The following CROCC variants were observed in gnomAD, a reference collection of about 807,000 sequenced individuals.
CROCC encodes the protein rootletin.
A neutral mutation model predicts 245.2 loss-of-function variants in CROCC; 180 were observed. That is an observed-to-expected ratio of 0.73 (90% CI 0.65 to 0.83). The LOEUF (loss-of-function observed/expected upper bound fraction) is 0.83. Ranked by LOEUF, CROCC falls within the 40% of genes least tolerant of loss-of-function variation. The pLI is 0.00. For synonymous variants in CROCC, 1,205 were observed against 1,241.6 expected (o/e 0.97, Z 0.62); for missense variants, 2,688 against 2,779.4 (o/e 0.97, Z 0.74).
chr1:16,972,446 A>G lies in CROCC; in HGVS notation c.6054A>G (p.Ter2018TrpextTer39). 6.2e-7 allele frequency: 1 copy of G among 1,609,978 alleles called. No homozygotes were observed. The highest frequency in any genetic ancestry group is 8.5e-7 in the Non-Finnish European group (1 of 1,177,560). The change falls in exon 37 of 37, where the codon TGA becomes TGG. Residue 2018 changes from the stop codon to tryptophan, a stop_lost. Coordinates refer to ENST00000375541, the MANE Select transcript of CROCC (RefSeq NM_014675.5). Reference sequence around the variant, plus strand: ...CACCCTCCGGCCCCCCAGAGAAATGAGCTCCTGCTGGCATCTGGAGAACAC... The same window carrying G: ...CACCCTCCGGCCCCCCAGAGAAATGGGCTCCTGCTGGCATCTGGAGAACAC... ...FSPPSGPPEK[*>W]
chr1:16,969,840 C>T lies in CROCC; in HGVS notation c.5357C>T (p.Ser1786Phe). Residue 1786 changes from serine (S) to phenylalanine (F), a missense_variant, in exon 33 of 37, where the codon TCC becomes TTC. This residue lies in a region of CROCC where 1,218 missense variants were observed against 1,286.3 expected (regional missense o/e 0.95). Transcript: ENST00000375541. The stretch of plus-strand genomic sequence containing the variant: ...TCTGAGGCACGGAAGCAGAGCAGCT[C>T]CCTGGGCGAGCAGGTGCAGACGTTG... ...ALSEARKQSSSLGEQVQTLRG... is the reference protein window; with the variant it reads ...ALSEARKQSSFLGEQVQTLRG... 6.2e-7 allele frequency: 1 copy of T among 1,613,354 alleles called. No individual in the cohort carries two copies. Among genetic ancestry groups the T allele is most frequent in the Non-Finnish European group, 8.5e-7 (1 of 1,179,732 alleles).
chr1:16,918,300 C>CTTTTTTTTTTTTTTTTTTTTTTTT (rs201445636), upstream of CROCC, among the ~76,000 whole-genome samples: 2 of 123,872 alleles, frequency 1.6e-5, no homozygotes, highest in African/African-American at 2.9e-5. Flanking sequence ...GGAATTCAGT[C>CTTTTTTTTTTTTTTTTTTTTTTTT]TTTTTTTTTT....
At chr1:16,964,833 C>T (rs1249345854) in intron 27 of CROCC, among the ~76,000 whole-genome samples, 1 of 152,248 alleles carries the variant, frequency 6.6e-6, no homozygotes, top group Non-Finnish European at 1.5e-5. Context: ...CAGGTGCATG[C>T]CACCACGCCC....
chr1:16,928,409 T>G (rs1274727544), intron 3 of CROCC, among the ~76,000 whole-genome samples: 1 of 151,870 alleles, frequency 6.6e-6, no homozygotes, highest in Non-Finnish European at 1.5e-5. Flanking sequence ...CCCACAGGGG[T>G]CTGAGGATGT....
intron 3 of CROCC, among the ~76,000 whole-genome samples, chr1:16,927,412 C>T (rs539303190): frequency 7.5e-4 from 114 of 152,342 alleles, no homozygotes; most frequent in African/African-American, 2.7e-3. Flanking sequence ...GTGTGTATCA[C>T]ACATACCAGG....
intron 1 of CROCC, among the ~76,000 whole-genome samples, chr1:16,916,829 A>T (rs572816347): frequency 6.6e-6 from 1 of 152,382 alleles, no homozygotes; most frequent in East Asian, 1.9e-4. Context: ...TATTATTTAA[A>T]ACTCTGGGCT....
In CROCC at chr1:16,966,461, C is replaced by A; in HGVS notation, c.4750C>A (p.Gln1584Lys). 6.5e-7 allele frequency: 1 copy of A among 1,536,562 alleles called. No individual in the cohort carries two copies. The highest frequency in any genetic ancestry group is 1.2e-5 in the South Asian group (1 of 83,794). Residue 1584 changes from glutamine to lysine, a missense_variant, in exon 30 of 37, where the codon CAG becomes AAG. By Grantham distance (53) the Gln-to-Lys change is moderately conservative. Coordinates refer to ENST00000375541, the MANE Select transcript of CROCC (RefSeq NM_014675.5). The surrounding 1 kb of genome is among the most constrained non-coding windows in gnomAD (Gnocchi z 4.8). ...LSGVQAELAL[Q>K]EESVRRSERE... ...CGGGGTCCAGGCGGAGCTGGCGCTG[C>A]AGGAGGAGAGTGTGCGGCGCAGTGA... is the stretch of plus-strand genomic sequence containing the variant.
intron 14 of CROCC, among the ~76,000 whole-genome samples, chr1:16,945,042 G>A (rs1470461694): frequency 2.6e-5 from 4 of 152,276 alleles, no homozygotes; most frequent in Non-Finnish European, 5.9e-5. Context: ...AGACCAGCCT[G>A]ACCAACGTGG....
At chr1:16,970,602 T>G (rs776457475) in intron 34 of CROCC, 34 bp from the exon 35 acceptor site, 12 of 1,508,118 alleles carry the variant, frequency 8.0e-6, no homozygotes, top group Non-Finnish European at 1.1e-5. Flanking sequence ...AAGCTCCTCC[T>G]GGCACCCTGA....
At position 16,961,085 on chromosome 1, in the gene CROCC, C is replaced by A. The variant is rs2076324604; in HGVS notation, c.4360C>A (p.Pro1454Thr). 2.2e-6 allele frequency: 3 copies of A among 1,364,792 alleles called. No individual in the cohort carries two copies. The highest frequency in any genetic ancestry group is 6.2e-5 in the East Asian group (2 of 32,320). The allele number at this position is 1,364,792 out of a possible 1,614,324, so 84.5% of individuals were successfully genotyped here. The part of the protein sequence containing the change: ...LGLGRAPSPA[P>T]RPVPGSPARD... ...CCTCGGTCGCGCGCCCAGCCCAGCCCCGCGGCCAGTGCCCGGTTCCCCTGC... is the reference window on the plus strand; with the variant it reads ...CCTCGGTCGCGCGCCCAGCCCAGCCACGCGGCCAGTGCCCGGTTCCCCTGC... The change falls in exon 27 of 37, where the codon CCG (proline) becomes ACG (threonine). Residue 1454 changes from proline (P) to threonine (T), a missense_variant. This residue lies in a region of CROCC where 1,218 missense variants were observed against 1,286.3 expected (regional missense o/e 0.95). Transcript: ENST00000375541.
intron 12 of CROCC, among the ~76,000 whole-genome samples, chr1:16,939,486 G>T: frequency 6.6e-6 from 1 of 152,320 alleles, no homozygotes; most frequent in South Asian, 2.1e-4. Context: ...CAGGACCCTG[G>T]GAAAAGGTCT....
intron 35 of CROCC, among the ~76,000 whole-genome samples, chr1:16,971,151 T>C (rs1259182151): frequency 6.6e-6 from 1 of 152,130 alleles, no homozygotes; most frequent in Non-Finnish European, 1.5e-5. Flanking sequence ...CACATGCACC[T>C]GTGTGAGTCC....
rs2076064369 is a variant in CROCC, at chr1:16,947,004, G to C, written c.2514+13G>C. On this transcript the variant is annotated intron_variant, in intron 17 of 36. Coordinates refer to ENST00000375541, the MANE Select transcript of CROCC (RefSeq NM_014675.5). Reference sequence around the variant, plus strand: ...GCAGCTAGCGCAGGTGGGCAAAGCTGTGTGTGGGGGTGGTGTGGAGAGCAT... The same window carrying C: ...GCAGCTAGCGCAGGTGGGCAAAGCTCTGTGTGGGGGTGGTGTGGAGAGCAT... 2 of 1,542,700 alleles carry C rather than the reference G, an allele frequency of 1.3e-6. No individual in the cohort carries two copies. Among genetic ancestry groups the C allele is most frequent in the East Asian group, 2.4e-5 (1 of 40,940 alleles).
At chr1:16,936,535 C>G in intron 8 of CROCC, 102 bp from the exon 9 acceptor site, 1 of 1,234,424 alleles carries the variant, frequency 8.1e-7, no homozygotes, top group South Asian at 1.6e-5. Context: ...TCCTGAAGTG[C>G]TGGGATTATA....
Position 16,969,154 on chromosome 1 carries a change from G to A in CROCC, c.5115G>A (p.Leu1705=). 1.2e-6 allele frequency: 2 copies of A among 1,609,534 alleles called. No individual in the cohort carries two copies. Among genetic ancestry groups the A allele is most frequent in the Non-Finnish European group, 1.7e-6 (2 of 1,178,288 alleles). Residue 1705 remains leucine, a synonymous_variant, in exon 32 of 37, where the codon CTG becomes CTA. Transcript: ENST00000375541. ...AGGTGAAGGCAGGGACCCTGCAGCT[G>A]ACCGTGGAGCGGCTGAATGGGGCCC... The part of the protein sequence containing the change: ...DSEVKAGTLQ[L]TVERLNGALA...
At position 16,937,749 on chromosome 1, in the gene CROCC, GTGCCCC is replaced by G. The variant is rs1557597533; in HGVS notation, c.1290+15_1290+20del. 1 of 1,601,266 alleles carries G rather than the reference GTGCCCC, an allele frequency of 6.2e-7. No homozygotes were observed. The highest frequency in any genetic ancestry group is 1.7e-5 in the Admixed American group (1 of 59,490). ...AGCTTGAGGCCCTGGTGAGCTGCAGGTGCCCCTGAGATGGGGCAGGGTGAGATGGGG... is the reference window on the plus strand; with the variant it reads ...AGCTTGAGGCCCTGGTGAGCTGCAGGTGAGATGGGGCAGGGTGAGATGGGG... On this transcript the variant is annotated intron_variant, in intron 10 of 36. Coordinates refer to ENST00000375541, the MANE Select transcript of CROCC (RefSeq NM_014675.5).
At chr1:16,924,561 G>C (rs59784123) in intron 3 of CROCC, 82 bp downstream of exon 3, 1 of 1,520,420 alleles carries the variant, frequency 6.6e-7, no homozygotes, top group Non-Finnish European at 8.9e-7. Flanking sequence ...GCCCACACAC[G>C]GGGCAAAAGA....
upstream of CROCC, among the ~76,000 whole-genome samples, chr1:16,921,039 T>C (rs1036495133): frequency 9.2e-5 from 14 of 152,282 alleles, no homozygotes; most frequent in Non-Finnish European, 1.8e-4. Context: ...TGCCTGCGCC[T>C]GGCTGGGACT....
At chr1:16,968,538 C>T in intron 31 of CROCC, 120 bp downstream of exon 31, 1 of 1,049,774 alleles carries the variant, frequency 9.5e-7, no homozygotes, top group African/African-American at 1.6e-5. Context: ...CCCCATTTCA[C>T]AGATGGACAA....
Sources: allele counts gnomAD v4.1 joint callset (sites outside exome capture counted in the v4.1 genomes callset), GRCh38; gene constraint gnomAD v4.1.1; regional missense constraint gnomAD v4.1.1; non-coding constraint Gnocchi (gnomAD v3.1); transcripts MANE v1.5; gene names NCBI Gene and HGNC (gene_info 2026-07-23, HGNC 2026-07-21).